The following RYR3 variants were observed in gnomAD, a reference collection of about 807,000 sequenced individuals.
The protein encoded by RYR3 is brain ryanodine receptor-calcium release channel.
A neutral mutation model predicts 584.3 loss-of-function variants in RYR3; 207 were observed. The observed-to-expected ratio is 0.35, with a 90% CI of 0.32 to 0.40. The LOEUF (loss-of-function observed/expected upper bound fraction) is 0.40. Among genes scored for constraint, RYR3 ranks in the 10% least tolerant of loss-of-function variants. The probability of loss-of-function intolerance (pLI) is 1.00; values close to 1 mark genes in which losing one functional copy is unlikely to be tolerated. For missense variants in RYR3, 5,616 were observed against 6,089.2 expected, an observed-to-expected ratio of 0.92 and a Z score of 2.59; for synonymous variants, 2,416 against 2,248.5, an observed-to-expected ratio of 1.07 and a Z score of -2.11.
At chr15:33,465,711 C>T in intron 1 of RYR3, 1 of 518,818 alleles carries the variant, frequency 1.9e-6, no homozygotes, top group Non-Finnish European at 3.8e-6. Context: ...GAGGTGATTA[C>T]AATAGTTGTG....
intron 43 of RYR3, among the ~76,000 whole-genome samples, chr15:33,721,779 T>A (rs1218811859): frequency 6.6e-6 from 1 of 152,162 alleles, no homozygotes; most frequent in Non-Finnish European, 1.5e-5. Flanking sequence ...TTTTTTTTTA[T>A]TAAGTTGTTC....
At chr15:33,649,772 A>G (rs2062352986) in intron 31 of RYR3, among the ~76,000 whole-genome samples, 1 of 152,208 alleles carries the variant, frequency 6.6e-6, no homozygotes, top group Non-Finnish European at 1.5e-5. Flanking sequence ...AGGCATACCC[A>G]TACCCTCCCA....
chr15:33,861,960 G>C (rs1319683838), intron 102 of RYR3, among the ~76,000 whole-genome samples: 12 of 151,928 alleles, frequency 7.9e-5, no homozygotes, highest in Non-Finnish European at 1.8e-4. Context: ...ACAATGCCTG[G>C]CACCCAGTAG....
intron 2 of RYR3, among the ~76,000 whole-genome samples, chr15:33,499,691 C>T (rs982028881): frequency 1.3e-5 from 2 of 152,164 alleles, no homozygotes; most frequent in Non-Finnish European, 2.9e-5. Context: ...TATTATATCT[C>T]CATTATACAG....
At position 33,613,847 on chromosome 15, in the gene RYR3, C is replaced by G. The variant is rs570795799; in HGVS notation, c.2357+472C>G. Among the ~76,000 whole-genome samples, 13 of 152,252 alleles carry G rather than the reference C, an allele frequency of 8.5e-5. No homozygotes were observed. The South Asian group carries it at 2.5e-3, about 29-fold the overall frequency. ...TATGTCTTGATTATCTTTTATTCAACAATAATGAGCCTTTTCCTGAGTCAT... is the reference window on the plus strand; with the variant it reads ...TATGTCTTGATTATCTTTTATTCAAGAATAATGAGCCTTTTCCTGAGTCAT... On this transcript the variant is annotated intron_variant, in intron 19 of 103. Coordinates refer to ENST00000634891, the MANE Select transcript of RYR3 (RefSeq NM_001036.6).
intron 85 of RYR3, 143 bp downstream of exon 85, chr15:33,827,430 G>A (rs1011988270): frequency 1.6e-5 from 11 of 672,182 alleles, no homozygotes; most frequent in African/African-American, 1.6e-4. Context: ...AGATGCATGG[G>A]AAGTCCAGTG....
intron 1 of RYR3, among the ~76,000 whole-genome samples, chr15:33,439,171 T>C (rs1305239909): frequency 6.6e-6 from 1 of 152,216 alleles, no homozygotes; most frequent in East Asian, 1.9e-4. Context: ...CTTTTTAACA[T>C]GTTGATCTTG....
At chr15:33,596,056 C>A (rs987362927) in intron 16 of RYR3, among the ~76,000 whole-genome samples, 1 of 144,076 alleles carries the variant, frequency 6.9e-6, no homozygotes. Context: ...AAAATTATTT[C>A]TCTTTAAGTT....
At chr15:33,742,726 A>T (rs888014710) in intron 52 of RYR3, among the ~76,000 whole-genome samples, 1 of 152,210 alleles carries the variant, frequency 6.6e-6, no homozygotes, top group Non-Finnish European at 1.5e-5. Context: ...GCCCAAACAC[A>T]GGCTTGTATG....
chr15:33,699,850 G>A lies in RYR3; in HGVS notation c.6379+17G>A. 1 of 1,603,652 alleles carries A rather than the reference G, an allele frequency of 6.2e-7. No homozygotes were observed. The highest frequency in any genetic ancestry group is 8.5e-7 in the Non-Finnish European group (1 of 1,172,268). On this transcript the variant is annotated intron_variant, in intron 41 of 103. Transcript: ENST00000634891. ...TTGGCCTAGGTGCGTAAGTCTTCTT[G>A]TAACTTCCACATCCAAACTCGAAGG...
chr15:33,845,554 C>G (rs558510473), intron 93 of RYR3, among the ~76,000 whole-genome samples: 1 of 152,004 alleles, frequency 6.6e-6, no homozygotes, highest in East Asian at 1.9e-4. Context: ...GCGCCCAGCC[C>G]CTAAGTCCTT....
At chr15:33,794,303 A>G (rs1422786996) in intron 67 of RYR3, among the ~76,000 whole-genome samples, 1 of 103,026 alleles carries the variant, frequency 9.7e-6, no homozygotes, top group Non-Finnish European at 2.1e-5. Flanking sequence ...TTTTATATAT[A>G]TATTTTTATA....
chr15:33,444,863 A>C (rs1280067551), intron 1 of RYR3, among the ~76,000 whole-genome samples: 2 of 152,020 alleles, frequency 1.3e-5, no homozygotes, highest in African/African-American at 4.8e-5. Flanking sequence ...TATGTAACTA[A>C]CCTGCACGTT....
At chr15:33,360,104 A>G (rs1974552965) in intron 1 of RYR3, among the ~76,000 whole-genome samples, 1 of 152,160 alleles carries the variant, frequency 6.6e-6, no homozygotes, top group East Asian at 1.9e-4. Context: ...ATATTCCAGC[A>G]CTTAGTACTT....
At position 33,663,494 on chromosome 15, in the gene RYR3, C is replaced by G. The variant is rs758648094; in HGVS notation, c.5419-43C>G. ...TAAAATGGGCATGCTAGCAGCCTCA[C>G]CAAAGTACACAAAGTGTTATCTATA... is the stretch of plus-strand genomic sequence containing the variant. On this transcript the variant is annotated intron_variant, in intron 35 of 103. Transcript: ENST00000634891. 4 of 1,567,158 alleles carry G rather than the reference C, an allele frequency of 2.6e-6. No homozygotes were observed. In the South Asian group the frequency reaches 4.6e-5, roughly 18 times the overall value.
chr15:33,527,227 T>C (rs1306732708), intron 3 of RYR3, among the ~76,000 whole-genome samples: 1 of 152,104 alleles, frequency 6.6e-6, no homozygotes, highest in Non-Finnish European at 1.5e-5. Flanking sequence ...TTTAAATTTT[T>C]AGAAGAATGT....
intron 38 of RYR3, among the ~76,000 whole-genome samples, chr15:33,675,917 G>C (rs180998041): frequency 6.6e-6 from 1 of 152,116 alleles, no homozygotes; most frequent in Non-Finnish European, 1.5e-5. Flanking sequence ...GGATTTCATC[G>C]CAGTGCTCTG....
rs1380993945 is a variant in RYR3, at chr15:33,670,563, G to T, written c.5860+7G>T. On this transcript the variant is annotated splice_region_variant and intron_variant, in intron 38 of 103. Coordinates refer to ENST00000634891, the MANE Select transcript of RYR3 (RefSeq NM_001036.6). ...GAGGAGGAGAGATGCCCCAGTAAGT[G>T]ACATTGCCTTTAAATGACAGTGTGC... 2 of 1,557,386 alleles carry T rather than the reference G, an allele frequency of 1.3e-6. No homozygotes were observed. Among genetic ancestry groups the T allele is most frequent in the South Asian group, 2.5e-5 (2 of 80,494 alleles).
intron 67 of RYR3, among the ~76,000 whole-genome samples, chr15:33,798,682 C>T (rs866157641): frequency 7.9e-5 from 12 of 152,258 alleles, no homozygotes; most frequent in Middle Eastern, 3.4e-3. Context: ...CATAGTTCCA[C>T]CCTGAACAAA....
Sources: gnomAD v4.1 joint callset for allele counts (sites outside exome capture counted in the v4.1 genomes callset) on GRCh38, gnomAD v4.1.1 for gene constraint, MANE v1.5 for transcripts, NCBI Gene and HGNC (gene_info 2026-07-23, HGNC 2026-07-21) for gene names.